SNED1: variants seen among roughly 807,000 people sequenced by gnomAD.
SNED1 encodes sushi, nidogen and EGF-like domain-containing protein 1.
SNED1 carries 81 observed loss-of-function variants against 166.7 expected under a neutral mutation model. That is an observed-to-expected ratio of 0.49 (90% CI 0.41 to 0.58). The LOEUF is 0.58. SNED1 is among the 20% of genes least tolerant of loss of function. SNED1 has a pLI of 0.00. For missense variants in SNED1, 1,604 were observed against 2,000.2 expected (o/e 0.80, Z 3.78); for synonymous variants, 762 against 822.0 (o/e 0.93, Z 1.25).
chr2:241,057,157 T>C (rs972320447), intron 16 of SNED1, among the ~76,000 whole-genome samples: 1 of 151,258 alleles, frequency 6.6e-6, no homozygotes, highest in East Asian at 2.0e-4. Context: ...GGTGGGAGGA[T>C]CACCTGAGGT....
Position 240,998,842 on chromosome 2 carries a change from G to C in SNED1, c.5G>C (p.Arg2Pro), listed in dbSNP as rs866294971. 1 of 1,201,578 alleles carries C rather than the reference G, an allele frequency of 8.3e-7. No individual in the cohort carries two copies. The highest frequency in any genetic ancestry group is 3.8e-5 in the East Asian group (1 of 26,648). 74.4% of individuals were successfully genotyped at this position (1,201,578 alleles called of 1,614,324 possible). A position where few individuals can be genotyped will look rare whatever the true frequency, so the allele number is the denominator to read the frequency against. M[R>P]HGVAWALLVA... is the part of the protein sequence containing the mutation. Reference sequence around the variant, plus strand: ...TCCCGCCCGCACACCTCCGCGATGCGGCACGGCGTCGCCTGGGCGCTGCTG... The same window carrying C: ...TCCCGCCCGCACACCTCCGCGATGCCGCACGGCGTCGCCTGGGCGCTGCTG... Residue 2 changes from arginine to proline, a missense_variant, in exon 1 of 32, where the codon CGG (arginine) becomes CCG (proline). This residue lies in a region of SNED1 where 1,237 missense variants were observed against 1,620.8 expected (regional missense o/e 0.76). Coordinates refer to ENST00000310397, the MANE Select transcript of SNED1 (RefSeq NM_001080437.3).
intron 1 of SNED1, 116 bp from the exon 2 acceptor site, chr2:241,030,168 C>T: frequency 9.9e-7 from 1 of 1,011,578 alleles, no homozygotes; most frequent in South Asian, 1.7e-5. Context: ...GGATACCCTG[C>T]CCAGGACTGG....
At chr2:241,081,122 G>A (rs1290415904) in intron 27 of SNED1, among the ~76,000 whole-genome samples, 2 of 152,254 alleles carry the variant, frequency 1.3e-5, no homozygotes, top group Non-Finnish European at 2.9e-5. Context: ...TGGGCTGGCT[G>A]GGGGTGCACA....
chr2:241,029,947 G>T (rs1223033944), intron 1 of SNED1, among the ~76,000 whole-genome samples: 1 of 152,272 alleles, frequency 6.6e-6, no homozygotes, highest in Non-Finnish European at 1.5e-5. Flanking sequence ...TAGCTGCTGG[G>T]CAGGCCCAAG....
At chr2:241,034,504 T>C (rs1574941239) in intron 3 of SNED1, 64 bp from the exon 4 acceptor site, 8 of 1,419,304 alleles carry the variant, frequency 5.6e-6, no homozygotes, top group African/African-American at 1.4e-5. Context: ...GGGGGCAGGG[T>C]AACCCCCACC....
chr2:241,047,835 C>T (rs1202945168), intron 8 of SNED1, among the ~76,000 whole-genome samples: 1 of 151,606 alleles, frequency 6.6e-6, no homozygotes, highest in Admixed American at 6.6e-5. Context: ...TTCTCTGGTG[C>T]TTCTTGTTCT....
intron 26 of SNED1, chr2:241,072,242 A>G (rs1413925160): frequency 2.1e-6 from 1 of 470,440 alleles, no homozygotes; most frequent in Admixed American, 2.4e-5. Context: ...GCAGGAGGCC[A>G]TGAGGGTCTA....
At chr2:241,020,343 C>A (rs894195526) in intron 1 of SNED1, among the ~76,000 whole-genome samples, 1 of 152,252 alleles carries the variant, frequency 6.6e-6, no homozygotes, top group African/African-American at 2.4e-5. Flanking sequence ...AGAGTTGGCG[C>A]TGGGGCTGGA....
chr2:241,038,853 T>A (rs984691890), intron 6 of SNED1, among the ~76,000 whole-genome samples: 2 of 152,170 alleles, frequency 1.3e-5, no homozygotes, highest in African/African-American at 4.8e-5. Flanking sequence ...AGGCCTATGA[T>A]GAGGGTCCCC....
intron 1 of SNED1, among the ~76,000 whole-genome samples, chr2:241,029,974 G>C (rs1574924470): frequency 6.6e-6 from 1 of 152,264 alleles, no homozygotes; most frequent in South Asian, 2.1e-4. Flanking sequence ...ACTGACTGAG[G>C]CCAGGGCCCA....
intron 15 of SNED1, 40 bp downstream of exon 15, chr2:241,052,508 C>A (rs891514897): frequency 1.4e-6 from 2 of 1,465,624 alleles, no homozygotes. Context: ...ACATGGGATA[C>A]CAGTGCCAGG....
rs918394791 is a variant in SNED1, at chr2:241,062,143, A to T, written c.2258-648A>T. Among the ~76,000 whole-genome samples, 7 of 152,338 alleles carry T rather than the reference A, an allele frequency of 4.6e-5. No homozygotes were observed. In the East Asian group the frequency reaches 9.6e-4, roughly 21 times the overall value. On this transcript the variant is annotated intron_variant, in intron 16 of 31. Transcript: ENST00000310397. ...AAATTTTTAAGCTAATTTTAATTAC[A>T]TATTTTACTGCCAGAAAACCTAGTT...
intron 30 of SNED1, chr2:241,087,804 C>A: frequency 2.5e-6 from 2 of 785,482 alleles, no homozygotes; most frequent in Non-Finnish European, 3.5e-6. Context: ...CGATATAGCG[C>A]GTCGCTCTTT....
intron 16 of SNED1, among the ~76,000 whole-genome samples, chr2:241,062,015 CTCT>C (rs1213518026): frequency 6.6e-6 from 1 of 152,274 alleles, no homozygotes; most frequent in Admixed American, 6.5e-5. Flanking sequence ...GTGTGGAGTT[CTCT>C]TCTTCATATA....
At position 241,073,030 on chromosome 2, in the gene SNED1, G is replaced by A. The variant is rs2062812163; in HGVS notation, c.3818-236G>A. The A allele has an allele frequency of 1.9e-6, 1 of 533,106 alleles. No individual in the cohort carries two copies. The highest frequency in any genetic ancestry group is 3.3e-6 in the Non-Finnish European group (1 of 299,794). The allele number at this position is 533,106 out of a possible 1,614,324, so 33.0% of individuals were successfully genotyped here. On this transcript the variant is annotated intron_variant, in intron 26 of 31. Transcript: ENST00000310397. The surrounding 1 kb of genome is among the most constrained non-coding windows in gnomAD (Gnocchi z 6.6). ...TGGTGGCTGTCCCTGAAGCAGCTCT[G>A]AGGGGGCCCTGCAAGGGGAAGGCCG...
In SNED1 at chr2:241,094,015, T is replaced by G. The variant is rs1159284161; in HGVS notation, c.*2379T>G. 1.2e-5 allele frequency: 3 copies of G among 257,510 alleles called. No individual in the cohort carries two copies. The highest frequency in any genetic ancestry group is 2.3e-5 in the Non-Finnish European group (3 of 129,062). 16.0% of individuals were successfully genotyped at this position (257,510 alleles called of 1,614,324 possible). A position where few individuals can be genotyped will look rare whatever the true frequency, so the allele number is the denominator to read the frequency against. Reference sequence around the variant, plus strand: ...TGAGGATTCTACTTAGTCCTCCGACTGGGTACAACAACAGCCTAGGTTCTA... The same window carrying G: ...TGAGGATTCTACTTAGTCCTCCGACGGGGTACAACAACAGCCTAGGTTCTA... On this transcript the variant is annotated 3_prime_UTR_variant, in exon 32 of 32. Coordinates refer to ENST00000310397, the MANE Select transcript of SNED1 (RefSeq NM_001080437.3). This position sits in a 1 kb window ranked among gnomAD's most constrained non-coding sequence, Gnocchi z 4.3.
At position 241,064,140 on chromosome 2, in the gene SNED1, C is replaced by T. The variant is rs770874244; in HGVS notation, c.2599+15C>T. The T allele has an allele frequency of 1.0e-5, 15 of 1,493,194 alleles. No individual in the cohort carries two copies. Among genetic ancestry groups the T allele is most frequent in the East Asian group, 5.0e-5 (2 of 40,144 alleles). 92.5% of individuals were successfully genotyped at this position (1,493,194 alleles called of 1,614,324 possible). A position where few individuals can be genotyped will look rare whatever the true frequency, so the allele number is the denominator to read the frequency against. ...CTGCGAGACAGGTAGGGCGGCAGGC[C>T]TGCCTGCTCCCCGCCCTCTGCCCGC... On this transcript the variant is annotated intron_variant, in intron 19 of 31. Coordinates refer to ENST00000310397, the MANE Select transcript of SNED1 (RefSeq NM_001080437.3). The surrounding 1 kb of genome is among the most constrained non-coding windows in gnomAD (Gnocchi z 7.0).
At chr2:241,060,464 G>A (rs1236774025) in intron 16 of SNED1, among the ~76,000 whole-genome samples, 5 of 152,118 alleles carry the variant, frequency 3.3e-5, no homozygotes, top group Non-Finnish European at 7.3e-5. Context: ...TTACAGGCGC[G>A]AGCCACCATG....
intron 1 of SNED1, among the ~76,000 whole-genome samples, chr2:241,012,555 C>T (rs1400844907): frequency 2.0e-5 from 3 of 152,178 alleles, no homozygotes; most frequent in Non-Finnish European, 2.9e-5. Flanking sequence ...ATGAATAGAC[C>T]ACAGGCTATT....
Sources: gnomAD v4.1 joint callset for allele counts (sites outside exome capture counted in the v4.1 genomes callset) on GRCh38, gnomAD v4.1.1 for gene constraint, gnomAD v4.1.1 regional missense constraint, Gnocchi (gnomAD v3.1) non-coding constraint, MANE v1.5 for transcripts, NCBI Gene and HGNC (gene_info 2026-07-23, HGNC 2026-07-21) for gene names.